The following HEMK1 variants were observed in gnomAD, a reference collection of about 807,000 sequenced individuals.
The protein encoded by HEMK1 is MTRF1L release factor glutamine methyltransferase.
A neutral mutation model predicts 47.9 loss-of-function variants in HEMK1; 36 were observed. The ratio of observed to expected loss-of-function variants is 0.75; its 90% CI spans 0.58 to 0.99. The LOEUF (loss-of-function observed/expected upper bound fraction) is 0.99, where lower values mean the gene tolerates loss of function less well. Ranked by LOEUF, HEMK1 falls within the 50% of genes least tolerant of loss-of-function variation. The pLI, the probability that HEMK1 is intolerant of heterozygous loss-of-function variation, is 0.00. For missense variants in HEMK1, 383 were observed against 434.5 expected, an observed-to-expected ratio of 0.88 and a Z score of 1.05; for synonymous variants, 153 against 165.4, an observed-to-expected ratio of 0.93 and a Z score of 0.57.
rs1701679037 is a variant in HEMK1, at chr3:50,577,194, C to T, written c.549+8C>T. 6.2e-7 allele frequency: 1 copy of T among 1,606,586 alleles called. No homozygotes were observed. The highest frequency in any genetic ancestry group is 8.5e-7 in the Non-Finnish European group (1 of 1,177,668). The stretch of plus-strand genomic sequence containing the variant: ...CTGAGCCAGCTCCCCCAGGTGAGCC[C>T]CTCCACCCACTCTGGATAGACTGTG... On this transcript the variant is annotated splice_region_variant and intron_variant, in intron 5 of 10. Coordinates refer to ENST00000232854, the MANE Select transcript of HEMK1 (RefSeq NM_016173.5).
chr3:50,594,764 C>A lies in HEMK1; in HGVS notation c.*14347C>A, dbSNP rs1392210133. 1.3e-5 allele frequency: 2 copies of A among 152,258 alleles called. No homozygotes were observed. Among genetic ancestry groups the A allele is most frequent in the Non-Finnish European group, 2.9e-5 (2 of 68,056 alleles). 9.4% of individuals were successfully genotyped at this position (152,258 alleles called of 1,614,324 possible). A position where few individuals can be genotyped will look rare whatever the true frequency, so the allele number is the denominator to read the frequency against. The stretch of plus-strand genomic sequence containing the variant: ...GCTTGTGTTTTCTGCCAGCTCCCAA[C>A]TGAAGACTGAGCCTCAGTTGCCTAC... On this transcript the variant is annotated 3_prime_UTR_variant, in exon 11 of 11. Coordinates refer to ENST00000232854, the MANE Select transcript of HEMK1 (RefSeq NM_016173.5).
At position 50,580,626 on chromosome 3, in the gene HEMK1, C is replaced by A; in HGVS notation, c.*209C>A. ...CAGTTGCTCTGTGTTGGTGAAATTG[C>A]TGTGGGGGTATCGGGGGATATGGCC... On this transcript the variant is annotated 3_prime_UTR_variant, in exon 11 of 11. Coordinates refer to ENST00000232854, the MANE Select transcript of HEMK1 (RefSeq NM_016173.5). 3.3e-6 allele frequency: 2 copies of A among 602,034 alleles called. No individual in the cohort carries two copies. The highest frequency in any genetic ancestry group is 5.6e-5 in the East Asian group (2 of 36,002). The allele number at this position is 602,034 out of a possible 1,614,324, so 37.3% of individuals were successfully genotyped here.
chr3:50,575,295 G>A (rs891309125), intron 4 of HEMK1, among the ~76,000 whole-genome samples: 2 of 152,152 alleles, frequency 1.3e-5, no homozygotes, highest in Non-Finnish European at 2.9e-5. Context: ...AATGGTGCAT[G>A]CCTGTAATCC....
chr3:50,572,591 AGCC>A (rs1284325362), intron 4 of HEMK1, among the ~76,000 whole-genome samples: 1 of 152,190 alleles, frequency 6.6e-6, no homozygotes, highest in Admixed American at 6.5e-5. Flanking sequence ...AGAGGGCTCC[AGCC>A]GGACACCTGG....
chr3:50,593,444 C>G lies in HEMK1; in HGVS notation c.*13027C>G, dbSNP rs1357809133. The G allele has an allele frequency of 6.6e-6, 1 of 152,114 alleles. No homozygotes were observed. The highest frequency in any genetic ancestry group is 2.4e-5 in the African/African-American group (1 of 41,404). The allele number at this position is 152,114 out of a possible 1,614,324, so 9.4% of individuals were successfully genotyped here. A position where few individuals can be genotyped will look rare whatever the true frequency, so the allele number is the denominator to read the frequency against. ...AAGCGGAAGGTGGCTTTCAGCTCCC[C>G]CCTTCTCATTTTTTCTTACTGTGGC... On this transcript the variant is annotated 3_prime_UTR_variant, in exon 11 of 11. Coordinates refer to ENST00000232854, the MANE Select transcript of HEMK1 (RefSeq NM_016173.5).
At position 50,571,163 on chromosome 3, in the gene HEMK1, G is replaced by A. The variant is rs1305296893; in HGVS notation, c.59G>A (p.Ser20Asn). 4.3e-6 allele frequency: 7 copies of A among 1,613,144 alleles called. No homozygotes were observed. The Admixed American group carries it at 1.2e-4, about 27-fold the overall frequency. Residue 20 changes from serine to asparagine, a missense_variant, in exon 2 of 11, where the codon AGT (serine) becomes AAT (asparagine). Physicochemically the swap from Ser to Asn is conservative, Grantham distance 46 (BLOSUM62 1). Coordinates refer to ENST00000232854, the MANE Select transcript of HEMK1 (RefSeq NM_016173.5). ...CTGTCTGGCCCAGGGAGGAGGGGAA[G>A]TACCCGGGGCTGGGCCTTCAGCTCA... ...ALLSGPGRRG[S>N]TRGWAFSSWQ... is the part of the protein sequence containing the mutation.
At chr3:50,577,971 C>T (rs1019891009) in intron 7 of HEMK1, 96 bp downstream of exon 7, 1 of 1,079,452 alleles carries the variant, frequency 9.3e-7, no homozygotes, top group Non-Finnish European at 1.4e-6. Flanking sequence ...AGAGCTCCCC[C>T]AACAGCCACA....
chr3:50,569,504 A>G (rs1700635031), upstream of HEMK1: 1 of 151,350 alleles, frequency 6.6e-6, no homozygotes, highest in Non-Finnish European at 1.5e-5. Flanking sequence ...GCGACGGGCC[A>G]CGCACGTCCG....
intron 5 of HEMK1, 22 bp from the exon 6 acceptor site, chr3:50,577,486 TC>T (rs780518771): frequency 6.2e-7 from 1 of 1,611,772 alleles, no homozygotes; most frequent in Non-Finnish European, 8.5e-7. Flanking sequence ...CTTCCACATA[TC>T]CTCTGTTTGT....
rs1413644443 is a variant in HEMK1 at position 50,586,806 on chromosome 3, G to A, written c.*6389G>A. The A allele has an allele frequency of 6.6e-6, 1 of 152,168 alleles. No individual in the cohort carries two copies. Among genetic ancestry groups the A allele is most frequent in the East Asian group, 1.9e-4 (1 of 5,188 alleles). 9.4% of individuals were successfully genotyped at this position (152,168 alleles called of 1,614,324 possible). A position where few individuals can be genotyped will look rare whatever the true frequency, so the allele number is the denominator to read the frequency against. On this transcript the variant is annotated 3_prime_UTR_variant, in exon 11 of 11. Transcript: ENST00000232854. ...CACCTGAAGACCCCCCACCCCACCT[G>A]GCTTTCCAGGAACAGGCCTGCCTGC...
Position 50,591,582 on chromosome 3 carries a change from AATC to A in HEMK1, c.*11168_*11170del. 6.6e-6 allele frequency: 1 copy of A among 152,648 alleles called. No individual in the cohort carries two copies. The highest frequency in any genetic ancestry group is 1.5e-5 in the Non-Finnish European group (1 of 68,334). The allele number at this position is 152,648 out of a possible 1,614,324, so 9.5% of individuals were successfully genotyped here. On this transcript the variant is annotated 3_prime_UTR_variant, in exon 11 of 11. Transcript: ENST00000232854. The stretch of plus-strand genomic sequence containing the variant: ...CCTGGCCAACTGGGTCCATGTCCAT[AATC>A]ATAGGTGTCCACGCAGGGCCTCCCT...
In HEMK1 at chr3:50,587,102, T is replaced by C. The variant is rs2031428414; in HGVS notation, c.*6685T>C. ...TGCATAGCTGGACAGGAAGGGAGGATGAGGCTGCCATTGGTGTCCATTTGA... is the reference window on the plus strand; with the variant it reads ...TGCATAGCTGGACAGGAAGGGAGGACGAGGCTGCCATTGGTGTCCATTTGA... On this transcript the variant is annotated 3_prime_UTR_variant, in exon 11 of 11. Coordinates refer to ENST00000232854, the MANE Select transcript of HEMK1 (RefSeq NM_016173.5). The surrounding 1 kb of genome is among the most constrained non-coding windows in gnomAD (Gnocchi z 4.2). The C allele has an allele frequency of 6.6e-6, 1 of 152,138 alleles. No individual in the cohort carries two copies. The allele number at this position is 152,138 out of a possible 1,614,324, so 9.4% of individuals were successfully genotyped here.
rs2030865488 is a variant in HEMK1, at chr3:50,581,946, G to A, written c.*1529G>A. 6.6e-6 allele frequency: 1 copy of A among 152,396 alleles called. No homozygotes were observed. Among genetic ancestry groups the A allele is most frequent in the Admixed American group, 6.5e-5 (1 of 15,288 alleles). 9.4% of individuals were successfully genotyped at this position (152,396 alleles called of 1,614,324 possible). On this transcript the variant is annotated 3_prime_UTR_variant, in exon 11 of 11. Transcript: ENST00000232854. The stretch of plus-strand genomic sequence containing the variant: ...GGAACCTGGGTGGGGAGGGCGAAGG[G>A]GGTGCACAACCAGGGCAAGGCTCCC...
In HEMK1 at chr3:50,580,363, CT is replaced by C; in HGVS notation, c.981-17del. 1 of 1,614,156 alleles carries C rather than the reference CT, an allele frequency of 6.2e-7. No homozygotes were observed. Among genetic ancestry groups the C allele is most frequent in the Non-Finnish European group, 8.5e-7 (1 of 1,180,008 alleles). On this transcript the variant is annotated splice_polypyrimidine_tract_variant and intron_variant, in intron 10 of 10. Coordinates refer to ENST00000232854, the MANE Select transcript of HEMK1 (RefSeq NM_016173.5). ...CTGAGGCCCAGGTGGTAACCAGCCC[CT>C]GTCCCTGTCTCCTCAGGCCCCGGTT... is the stretch of plus-strand genomic sequence containing the variant.
At chr3:50,577,691 T>C (rs952377158) in intron 6 of HEMK1, 118 bp downstream of exon 6, 4 of 1,346,250 alleles carry the variant, frequency 3.0e-6, no homozygotes, top group Non-Finnish European at 4.3e-6. Context: ...CTGGCATGGG[T>C]CCCATGGGGT....
rs754675741 is a variant in HEMK1, at chr3:50,571,788, C to G, written c.307C>G (p.Arg103Gly). The G allele has an allele frequency of 1.2e-6, 2 of 1,614,044 alleles. No individual in the cohort carries two copies. The highest frequency in any genetic ancestry group is 4.5e-5 in the East Asian group (2 of 44,884). ...QLQCIRELSS[R>G]RLQRMPVQYI... The stretch of plus-strand genomic sequence containing the variant: ...ACAGTGTATCCGGGAGCTGAGTAGC[C>G]GTCGATTGCAGAGGTGAGCACCCAT... Residue 103 changes from arginine to glycine, a missense_variant, in exon 3 of 11, where the codon CGT becomes GGT. Transcript: ENST00000232854.
chr3:50,575,619 C>T (rs1445345802), intron 4 of HEMK1, among the ~76,000 whole-genome samples: 1 of 152,022 alleles, frequency 6.6e-6, no homozygotes, highest in Non-Finnish European at 1.5e-5. Context: ...AGAGCCTGGC[C>T]CAGGCTTGAG....
chr3:50,576,794 G>A (rs1234592213), intron 4 of HEMK1, among the ~76,000 whole-genome samples: 2 of 152,186 alleles, frequency 1.3e-5, no homozygotes, highest in Admixed American at 1.3e-4. Context: ...ACATGAAACA[G>A]GTGTGGATTA....
chr3:50,579,911 T>G lies in HEMK1; in HGVS notation c.838T>G (p.Leu280Val). The G allele has an allele frequency of 1.9e-6, 3 of 1,614,036 alleles. No homozygotes were observed. Among genetic ancestry groups the G allele is most frequent in the Non-Finnish European group, 2.5e-6 (3 of 1,179,926 alleles). Residue 280 changes from leucine (L) to valine (V), a missense_variant, in exon 9 of 11, where the codon TTG (leucine) becomes GTG (valine). Transcript: ENST00000232854. ...GGACATCATTACCCACATTCTGGCC[T>G]TGGCACCCCGGCTCCTGAAAGACTC... is the stretch of plus-strand genomic sequence containing the variant. ...GMDIITHILA[L>V]APRLLKDSGS...
Sources: gnomAD v4.1 joint callset for allele counts (sites outside exome capture counted in the v4.1 genomes callset) on GRCh38, gnomAD v4.1.1 for gene constraint, Gnocchi (gnomAD v3.1) non-coding constraint, MANE v1.5 for transcripts, NCBI Gene and HGNC (gene_info 2026-07-23, HGNC 2026-07-21) for gene names.